RBFOX1: variants seen among roughly 807,000 people sequenced by gnomAD.
The protein encoded by RBFOX1 is RNA binding fox-1 homolog 1, also known as RNA binding protein fox-1 homolog 1.
A neutral mutation model predicts 57.7 loss-of-function variants in RBFOX1; 8 were observed. The observed-to-expected ratio is 0.14, with a 90% CI of 0.08 to 0.25. The LOEUF is 0.25. Ranked by LOEUF, RBFOX1 falls within the 10% of genes least tolerant of loss-of-function variation. RBFOX1 has a pLI of 1.00. For synonymous variants in RBFOX1, 326 were observed against 222.4 expected, an observed-to-expected ratio of 1.47 and a Z score of -4.15; for missense variants, 611 against 548.5, an observed-to-expected ratio of 1.11 and a Z score of -1.14.
intron 3 of RBFOX1, among the ~76,000 whole-genome samples, chr16:5,810,947 C>T (rs2055402521): frequency 1.3e-5 from 2 of 152,064 alleles, no homozygotes; most frequent in South Asian, 4.1e-4. Flanking sequence ...TTTGCATATA[C>T]TTGTGAAACC....
chr16:7,048,843 T>A (rs1036403702), intron 3 of RBFOX1, among the ~76,000 whole-genome samples: 2 of 152,170 alleles, frequency 1.3e-5, no homozygotes, highest in Non-Finnish European at 2.9e-5. Flanking sequence ...TTGTTTAAAA[T>A]CCCATGGAAG....
intron 1 of RBFOX1, among the ~76,000 whole-genome samples, chr16:6,170,564 T>C (rs1421403896): frequency 1.3e-5 from 2 of 152,212 alleles, no homozygotes; most frequent in Non-Finnish European, 2.9e-5. Context: ...AATACACTCA[T>C]GGTGCTATTA....
At chr16:6,801,213 A>G (rs1296738934) in intron 3 of RBFOX1, among the ~76,000 whole-genome samples, 1 of 152,002 alleles carries the variant, frequency 6.6e-6, no homozygotes, top group Non-Finnish European at 1.5e-5. Context: ...AAAAAAAAAA[A>G]AAAAGTAACG....
At chr16:6,963,762 G>T (rs567963516) in intron 3 of RBFOX1, among the ~76,000 whole-genome samples, 1 of 149,550 alleles carries the variant, frequency 6.7e-6, no homozygotes, top group Non-Finnish European at 1.5e-5. Context: ...GCATTGGCGC[G>T]ATCTCGGCTC....
chr16:6,460,811 G>T (rs2094899888), intron 2 of RBFOX1, among the ~76,000 whole-genome samples: 1 of 129,894 alleles, frequency 7.7e-6, no homozygotes, highest in South Asian at 2.7e-4. Context: ...GTTAATAGAA[G>T]CACTATTCAG....
Position 5,467,322 on chromosome 16 carries a change from A to G in RBFOX1, c.258+68A>G, listed in dbSNP as rs2068984580. 2.8e-6 allele frequency: 4 copies of G among 1,417,602 alleles called. No homozygotes were observed. In the Admixed American group the frequency reaches 6.1e-5, roughly 22 times the overall value. The allele number at this position is 1,417,602 out of a possible 1,614,324, so 87.8% of individuals were successfully genotyped here. A position where few individuals can be genotyped will look rare whatever the true frequency, so the allele number is the denominator to read the frequency against. On this transcript the variant is annotated intron_variant, in intron 2 of 2. Coordinates refer to the RBFOX1 transcript ENST00000585867. ...TAGTGGAAATGAAAGCAATAGAAAA[A>G]TCTTGCGTCACAGCCCTGCAACTTC...
chr16:7,609,957 A>G (rs1009064771), intron 10 of RBFOX1, among the ~76,000 whole-genome samples: 5 of 151,042 alleles, frequency 3.3e-5, no homozygotes, highest in African/African-American at 1.2e-4. Flanking sequence ...AGCTGGGACT[A>G]CAGGTATCCG....
At chr16:6,626,506 T>A (rs897344046) in intron 2 of RBFOX1, among the ~76,000 whole-genome samples, 1 of 152,210 alleles carries the variant, frequency 6.6e-6, no homozygotes, top group African/African-American at 2.4e-5. Context: ...ATGCCTGTAA[T>A]CCCAGCACTT....
At chr16:6,886,677 C>G (rs1191134057) in intron 3 of RBFOX1, among the ~76,000 whole-genome samples, 1 of 151,770 alleles carries the variant, frequency 6.6e-6, no homozygotes, top group Admixed American at 6.6e-5. Flanking sequence ...ATCGCTTGAA[C>G]CCAGCAGGCA....
intron 4 of RBFOX1, among the ~76,000 whole-genome samples, chr16:7,409,161 GA>G (rs1349046931): frequency 6.6e-6 from 1 of 152,168 alleles, no homozygotes; most frequent in East Asian, 1.9e-4. Context: ...CCGGGAGCTG[GA>G]GGACCTCTCC....
intron 4 of RBFOX1, among the ~76,000 whole-genome samples, chr16:7,234,463 C>T (rs1357122760): frequency 1.3e-5 from 2 of 152,054 alleles, no homozygotes; most frequent in Non-Finnish European, 2.9e-5. Flanking sequence ...TAAGCTCCCT[C>T]ATCAGTGAAG....
At chr16:6,859,125 A>ATG (rs2058453913) in intron 3 of RBFOX1, among the ~76,000 whole-genome samples, 2 of 66,328 alleles carry the variant, frequency 3.0e-5, no homozygotes, top group South Asian at 1.0e-3. Flanking sequence ...ATATATATAT[A>ATG]TATACATATA....
chr16:5,360,611 G>T (rs1010470138), intron 1 of RBFOX1, among the ~76,000 whole-genome samples: 1 of 152,192 alleles, frequency 6.6e-6, no homozygotes, highest in Middle Eastern at 3.2e-3. Context: ...GAGTGAGGGG[G>T]TAAAAATTAG....
intron 4 of RBFOX1, among the ~76,000 whole-genome samples, chr16:7,375,529 G>C (rs1596812708): frequency 6.7e-6 from 1 of 150,278 alleles, no homozygotes; most frequent in Admixed American, 6.6e-5. Flanking sequence ...TTAATCATCA[G>C]ATGTTTTGGG....
At chr16:6,521,264 A>G (rs1207704236) in intron 2 of RBFOX1, among the ~76,000 whole-genome samples, 2 of 152,158 alleles carry the variant, frequency 1.3e-5, no homozygotes, top group Non-Finnish European at 2.9e-5. Flanking sequence ...TGGTCAAGGA[A>G]AAGGTGCATG....
chr16:7,539,643 A>T (rs2152453999), intron 5 of RBFOX1, among the ~76,000 whole-genome samples: 1 of 152,308 alleles, frequency 6.6e-6, no homozygotes, highest in Admixed American at 6.5e-5. Context: ...GATCCAGATA[A>T]ATGAAATGCA....
chr16:7,437,438 G>A (rs1201609075), intron 4 of RBFOX1, among the ~76,000 whole-genome samples: 1 of 152,044 alleles, frequency 6.6e-6, no homozygotes, highest in Non-Finnish European at 1.5e-5. Flanking sequence ...AGAGACAAAA[G>A]GACACTGTTG....
At chr16:7,291,820 T>C (rs1018401532) in intron 4 of RBFOX1, among the ~76,000 whole-genome samples, 1 of 150,710 alleles carries the variant, frequency 6.6e-6, no homozygotes, top group Non-Finnish European at 1.5e-5. Context: ...TTTCAATCAT[T>C]ACTGCAAATC....
At chr16:6,978,415 C>T (rs749136738) in intron 3 of RBFOX1, among the ~76,000 whole-genome samples, 2 of 152,170 alleles carry the variant, frequency 1.3e-5, no homozygotes, top group South Asian at 2.1e-4. Context: ...TCACCGAACA[C>T]ATGATATCTG....
Sources: allele counts gnomAD v4.1 joint callset (sites outside exome capture counted in the v4.1 genomes callset), GRCh38; gene constraint gnomAD v4.1.1; transcripts MANE v1.5; gene names NCBI Gene and HGNC (gene_info 2026-07-23, HGNC 2026-07-21).